Variants in ZBTB46 observed in about 807,000 individuals in gnomAD.
ZBTB46 encodes the protein zinc finger and BTB domain containing 46, also known as zinc finger and BTB domain-containing protein 46.
ZBTB46 carries 8 observed loss-of-function variants against 44.1 expected under a neutral mutation model. The observed-to-expected ratio is 0.18, with a 90% CI of 0.11 to 0.33. The LOEUF (loss-of-function observed/expected upper bound fraction) is 0.33, where lower values mean the gene tolerates loss of function less well. Ranked by LOEUF, ZBTB46 falls within the 10% of genes least tolerant of loss-of-function variation. The probability of loss-of-function intolerance (pLI) is 1.00; values close to 1 mark genes in which losing one functional copy is unlikely to be tolerated. For synonymous variants in ZBTB46, 409 were observed against 382.3 expected (o/e 1.07, Z -0.81); for missense variants, 651 against 847.7 (o/e 0.77, Z 2.88).
chr20:63,775,465 C>T, intron 3 of ZBTB46: 1 of 541,242 alleles, frequency 1.8e-6, no homozygotes, highest in South Asian at 3.6e-5. Context: ...CAACCGCGTC[C>T]ATTCCCTCCT....
At chr20:63,773,846 G>A (rs2092397043) in intron 3 of ZBTB46, among the ~76,000 whole-genome samples, 1 of 152,152 alleles carries the variant, frequency 6.6e-6, no homozygotes, top group Non-Finnish European at 1.5e-5. Context: ...ATGCCCACAT[G>A]CCCTGCCACC....
At position 63,803,464 on chromosome 20, in the gene ZBTB46, A is replaced by G; in HGVS notation, c.-33-12674T>C. The stretch of plus-strand genomic sequence containing the variant: ...ACTATCCACATCATCTCCAGTGAGC[A>G]AGTGGGTGCTGGCGATGAGGACTTT... On this transcript the variant is annotated intron_variant, in intron 1 of 4. Coordinates refer to ENST00000245663, the MANE Select transcript of ZBTB46 (RefSeq NM_001369741.1). The surrounding 1 kb of genome is among the most constrained non-coding windows in gnomAD (Gnocchi z 4.0). 1 of 985,368 alleles carries G rather than the reference A, an allele frequency of 1.0e-6. No individual in the cohort carries two copies. 61.0% of individuals were successfully genotyped at this position (985,368 alleles called of 1,614,324 possible).
chr20:63,793,850 A>C (rs1228446495), intron 1 of ZBTB46, among the ~76,000 whole-genome samples: 1 of 152,186 alleles, frequency 6.6e-6, no homozygotes, highest in African/African-American at 2.4e-5. Context: ...CAGAGATTTT[A>C]TAGTTAAAAA....
rs1175711542 is a variant in ZBTB46, at chr20:63,787,572, G to A, written c.937+2249C>T. 2 of 152,180 alleles carry A rather than the reference G, an allele frequency of 1.3e-5. No individual in the cohort carries two copies. Among genetic ancestry groups the A allele is most frequent in the East Asian group, 3.9e-4 (2 of 5,194 alleles). The allele number at this position is 152,180 out of a possible 1,614,324, so 9.4% of individuals were successfully genotyped here. On this transcript the variant is annotated intron_variant, in intron 2 of 4. Coordinates refer to ENST00000245663, the MANE Select transcript of ZBTB46 (RefSeq NM_001369741.1). The surrounding 1 kb of genome is among the most constrained non-coding windows in gnomAD (Gnocchi z 4.6). ...GTGCCACAGCTGCCTGCAGTGCTCA[G>A]CACCGTAACTAACACTGGCAGGTTT...
rs368017553 is a variant in ZBTB46, at chr20:63,803,710, CCTT to C, written c.-33-12923_-33-12921del. ...TTCCCGAACCTGGCTACCGTCACTTCCTTCTTTTTGTTTTTGTAATGGGGTCTC... is the reference window on the plus strand; with the variant it reads ...TTCCCGAACCTGGCTACCGTCACTTCCTTTTTGTTTTTGTAATGGGGTCTC... On this transcript the variant is annotated intron_variant, in intron 1 of 4. Transcript: ENST00000245663. The surrounding 1 kb of genome is among the most constrained non-coding windows in gnomAD (Gnocchi z 4.0). Among the ~76,000 whole-genome samples, 11 of 152,040 alleles carry C rather than the reference CCTT, an allele frequency of 7.2e-5. No individual in the cohort carries two copies. The highest frequency in any genetic ancestry group is 2.7e-4 in the African/African-American group (11 of 41,394).
intron 1 of ZBTB46, among the ~76,000 whole-genome samples, chr20:63,819,338 G>C (rs1419260709): frequency 1.3e-5 from 2 of 152,300 alleles, no homozygotes; most frequent in East Asian, 3.9e-4. Flanking sequence ...TGCCAGCTTT[G>C]CTCCCTCCAG....
At chr20:63,809,062 C>T (rs1184053762) in intron 1 of ZBTB46, among the ~76,000 whole-genome samples, 2 of 151,522 alleles carry the variant, frequency 1.3e-5, no homozygotes, top group Non-Finnish European at 2.9e-5. Context: ...TGGGAGCTGG[C>T]GGCTCGGTGC....
intron 3 of ZBTB46, chr20:63,769,194 G>A: frequency 2.0e-6 from 2 of 985,374 alleles, no homozygotes; most frequent in Non-Finnish European, 2.4e-6. Flanking sequence ...GGGACACCAT[G>A]CCCCAAGTGT....
At chr20:63,754,621 A>G (rs2092202851) in intron 3 of ZBTB46, among the ~76,000 whole-genome samples, 1 of 143,994 alleles carries the variant, frequency 6.9e-6, no homozygotes, top group African/African-American at 2.6e-5. Context: ...TTTTTTTTAG[A>G]CGGAGTCTCA....
At chr20:63,823,278 C>T (rs1258826265) in intron 1 of ZBTB46, among the ~76,000 whole-genome samples, 4 of 151,054 alleles carry the variant, frequency 2.6e-5, no homozygotes, top group African/African-American at 7.3e-5. Context: ...GGGGTGCACT[C>T]GCGCTCAGGA....
chr20:63,772,722 AACACACACACAC>A (rs67126549), intron 3 of ZBTB46, among the ~76,000 whole-genome samples: 9 of 20,258 alleles, frequency 4.4e-4, no homozygotes, highest in Admixed American at 1.2e-3. Context: ...CTGTCTCAAA[AACACACACACAC>A]ACACACACAC....
At position 63,746,782 on chromosome 20, in the gene ZBTB46, C is replaced by G; in HGVS notation, c.*148G>C. 1 of 1,289,844 alleles carries G rather than the reference C, an allele frequency of 7.8e-7. No individual in the cohort carries two copies. The highest frequency in any genetic ancestry group is 1.0e-6 in the Non-Finnish European group (1 of 981,980). The allele number at this position is 1,289,844 out of a possible 1,614,324, so 79.9% of individuals were successfully genotyped here. On this transcript the variant is annotated 3_prime_UTR_variant, in exon 5 of 5. Coordinates refer to ENST00000245663, the MANE Select transcript of ZBTB46 (RefSeq NM_001369741.1). The stretch of plus-strand genomic sequence containing the variant: ...GGTCGCACCTGCTTAGCCCGCAGGG[C>G]TGGTTTCCGTGGGGGGTGGGTTCAG...
chr20:63,803,211 G>T lies in ZBTB46; in HGVS notation c.-33-12421C>A. The T allele has an allele frequency of 1.3e-6, 1 of 762,066 alleles. No homozygotes were observed. Among genetic ancestry groups the T allele is most frequent in the Non-Finnish European group, 1.6e-6 (1 of 626,200 alleles). The allele number at this position is 762,066 out of a possible 1,614,324, so 47.2% of individuals were successfully genotyped here. On this transcript the variant is annotated intron_variant, in intron 1 of 4. Coordinates refer to ENST00000245663, the MANE Select transcript of ZBTB46 (RefSeq NM_001369741.1). This position sits in a 1 kb window ranked among gnomAD's most constrained non-coding sequence, Gnocchi z 4.0. Reference sequence around the variant, plus strand: ...CACCATCCCCCAGGGCGCCTCACCAGCAGGAACCAGGCACCTCCCCTCACA... The same window carrying T: ...CACCATCCCCCAGGGCGCCTCACCATCAGGAACCAGGCACCTCCCCTCACA...
At chr20:63,801,056 T>C (rs996314062) in intron 1 of ZBTB46, among the ~76,000 whole-genome samples, 2 of 152,200 alleles carry the variant, frequency 1.3e-5, no homozygotes, top group Non-Finnish European at 2.9e-5. Context: ...GATACACCAA[T>C]CAGCACTCTG....
intron 1 of ZBTB46, among the ~76,000 whole-genome samples, chr20:63,812,234 G>A (rs2092721484): frequency 1.3e-5 from 2 of 152,208 alleles, no homozygotes; most frequent in Non-Finnish European, 1.5e-5. Flanking sequence ...ACAAGGCCAG[G>A]CAAGGAGGCT....
intron 3 of ZBTB46, among the ~76,000 whole-genome samples, chr20:63,757,925 C>T (rs564859458): frequency 2.2e-5 from 2 of 88,974 alleles, no homozygotes; most frequent in Non-Finnish European, 4.7e-5. Flanking sequence ...CCACCCGCCC[C>T]GTCCAGAGCT....
At chr20:63,757,425 G>A (rs1248015450) in intron 3 of ZBTB46, among the ~76,000 whole-genome samples, 1 of 152,046 alleles carries the variant, frequency 6.6e-6, no homozygotes, top group Non-Finnish European at 1.5e-5. Context: ...GCCTGGCCAC[G>A]ATTCACTTTT....
chr20:63,773,780 C>A (rs1373727204), intron 3 of ZBTB46, among the ~76,000 whole-genome samples: 1 of 152,200 alleles, frequency 6.6e-6, no homozygotes, highest in East Asian at 1.9e-4. Flanking sequence ...GCCTGTCCCT[C>A]CTGACGCCCA....
chr20:63,785,320 G>T (rs916223792), intron 2 of ZBTB46, among the ~76,000 whole-genome samples: 1 of 151,800 alleles, frequency 6.6e-6, no homozygotes, highest in Non-Finnish European at 1.5e-5. Flanking sequence ...CAGCACTTTG[G>T]GAGGCTGAGG....
Sources: gnomAD v4.1 joint callset for allele counts (sites outside exome capture counted in the v4.1 genomes callset) on GRCh38, gnomAD v4.1.1 for gene constraint, Gnocchi (gnomAD v3.1) non-coding constraint, MANE v1.5 for transcripts, NCBI Gene and HGNC (gene_info 2026-07-23, HGNC 2026-07-21) for gene names.